The following CRACR2A variants were observed in gnomAD, a reference collection of about 807,000 sequenced individuals.
The protein encoded by CRACR2A is calcium release activated channel regulator 2A.
A neutral mutation model predicts 90.5 loss-of-function variants in CRACR2A; 79 were observed. The observed-to-expected ratio is 0.87, with a 90% CI of 0.73 to 1.05. CRACR2A has a LOEUF of 1.05. CRACR2A is among the 50% of genes least tolerant of loss of function. The pLI is 0.00. For missense variants in CRACR2A, 823 were observed against 897.2 expected (o/e 0.92, Z 1.06); for synonymous variants, 338 against 356.7 (o/e 0.95, Z 0.59).
intron 4 of CRACR2A, among the ~76,000 whole-genome samples, chr12:3,690,808 G>A (rs1181064601): frequency 6.6e-6 from 1 of 152,192 alleles, no homozygotes; most frequent in Non-Finnish European, 1.5e-5. Context: ...CTCTTTGAAG[G>A]TCTCTAAGAA....
At chr12:3,679,322 T>C (rs111591078) in intron 5 of CRACR2A, among the ~76,000 whole-genome samples, 11 of 152,360 alleles carry the variant, frequency 7.2e-5, no homozygotes, top group African/African-American at 2.6e-4. Context: ...AATCTGGGAA[T>C]GGCAGAATGT....
At chr12:3,640,734 G>T in intron 13 of CRACR2A, 2 of 1,305,206 alleles carry the variant, frequency 1.5e-6, no homozygotes, top group Non-Finnish European at 2.0e-6. Flanking sequence ...GGTCTCTCTG[G>T]GTCTGATACT....
intron 1 of CRACR2A, among the ~76,000 whole-genome samples, chr12:3,737,197 T>C (rs1014618322): frequency 3.9e-5 from 6 of 151,906 alleles, no homozygotes. Context: ...ACGGGGTGAA[T>C]AGGAGCAACC....
At chr12:3,675,188 C>T (rs2095253682) in intron 6 of CRACR2A, among the ~76,000 whole-genome samples, 1 of 152,082 alleles carries the variant, frequency 6.6e-6, no homozygotes, top group African/African-American at 2.4e-5. Context: ...ATTATCTGTG[C>T]TTGTATAACA....
intron 1 of CRACR2A, among the ~76,000 whole-genome samples, chr12:3,747,046 TA>T (rs1239426955): frequency 6.6e-6 from 1 of 152,246 alleles, no homozygotes; most frequent in Non-Finnish European, 1.5e-5. Context: ...GTTTAGAGGC[TA>T]ATCCCAAAGA....
At chr12:3,623,281 C>T (rs547955032) in intron 17 of CRACR2A, among the ~76,000 whole-genome samples, 1 of 152,288 alleles carries the variant, frequency 6.6e-6, no homozygotes, top group Non-Finnish European at 1.5e-5. Flanking sequence ...TTAATCTCCA[C>T]GTTTTTTTCC....
At chr12:3,630,122 A>T (rs1944353648) in intron 15 of CRACR2A, among the ~76,000 whole-genome samples, 1 of 152,072 alleles carries the variant, frequency 6.6e-6, no homozygotes. Context: ...AGTGAGATGG[A>T]GGTATGACGG....
At chr12:3,689,465 T>C (rs2137663658) in intron 4 of CRACR2A, among the ~76,000 whole-genome samples, 1 of 152,296 alleles carries the variant, frequency 6.6e-6, no homozygotes, top group East Asian at 1.9e-4. Flanking sequence ...TGGTTTTGCC[T>C]TTAGTTTTGT....
At chr12:3,725,078 G>A (rs766727) in intron 2 of CRACR2A, among the ~76,000 whole-genome samples, 18 of 152,114 alleles carry the variant, frequency 1.2e-4, no homozygotes, top group Admixed American at 1.3e-4. Context: ...TAGTGGTCCT[G>A]CCTCCCATTT....
chr12:3,619,348 C>T lies in CRACR2A; in HGVS notation c.1957G>A (p.Val653Ile), dbSNP rs573363304. The T allele has an allele frequency of 1.3e-6, 2 of 1,551,604 alleles. No homozygotes were observed. The highest frequency in any genetic ancestry group is 1.7e-6 in the Non-Finnish European group (2 of 1,147,006). Reference sequence around the variant, plus strand: ...TCAAGCTTATTACCCAGCAGAAGAACAGGCACCCGGTCTCCCACAGCTTCC... The same window carrying T: ...TCAAGCTTATTACCCAGCAGAAGAATAGGCACCCGGTCTCCCACAGCTTCC... ...VEEAVGDRVPVLLLGNKLDNE... is the reference protein window; with the variant it reads ...VEEAVGDRVPILLLGNKLDNE... Residue 653 changes from valine to isoleucine, a missense_variant, in exon 18 of 20, where the codon GTT (valine) becomes ATT (isoleucine). Coordinates refer to ENST00000440314, the MANE Select transcript of CRACR2A (RefSeq NM_001144958.2).
chr12:3,713,654 T>C (rs1946040772), intron 2 of CRACR2A, among the ~76,000 whole-genome samples: 1 of 152,134 alleles, frequency 6.6e-6, no homozygotes, highest in South Asian at 2.1e-4. Flanking sequence ...TCTCAGCAAG[T>C]GCTCTTGAAA....
Position 3,633,749 on chromosome 12 carries a change from C to G in CRACR2A, c.1603-13G>C. On this transcript the variant is annotated splice_polypyrimidine_tract_variant and intron_variant, in intron 14 of 19. Transcript: ENST00000440314. The surrounding 1 kb of genome is among the most constrained non-coding windows in gnomAD (Gnocchi z 4.5). The stretch of plus-strand genomic sequence containing the variant: ...GAGAGCTTTCCTCCTGTGGATGGCA[C>G]ACAATCTGACCAACTGCAGGGAATA... The G allele has an allele frequency of 6.4e-7, 1 of 1,551,570 alleles. No individual in the cohort carries two copies. Among genetic ancestry groups the G allele is most frequent in the Non-Finnish European group, 8.7e-7 (1 of 1,146,986 alleles).
chr12:3,651,211 G>A (rs1370612219), intron 10 of CRACR2A, among the ~76,000 whole-genome samples: 2 of 152,252 alleles, frequency 1.3e-5, no homozygotes, highest in African/African-American at 4.8e-5. Context: ...AGTGAAAAAT[G>A]CAATGCTAAT....
intron 1 of CRACR2A, among the ~76,000 whole-genome samples, chr12:3,733,509 G>C (rs139391588): frequency 6.6e-6 from 1 of 152,070 alleles, no homozygotes. Flanking sequence ...AGGGGTGCTC[G>C]GAGAAGTGTT....
intron 5 of CRACR2A, 50 bp from the exon 6 acceptor site, chr12:3,679,148 A>T: frequency 6.7e-7 from 1 of 1,499,212 alleles, no homozygotes; most frequent in South Asian, 1.4e-5. Context: ...CCCATCCAGG[A>T]AGAGCTCAGC....
chr12:3,657,617 G>A (rs1944939148), intron 8 of CRACR2A, among the ~76,000 whole-genome samples: 1 of 152,220 alleles, frequency 6.6e-6, no homozygotes, highest in Admixed American at 6.5e-5. Flanking sequence ...TTAACCACAT[G>A]AATGGCAGAG....
chr12:3,661,121 G>C (rs531174598), intron 7 of CRACR2A, among the ~76,000 whole-genome samples: 1 of 152,248 alleles, frequency 6.6e-6, no homozygotes, highest in Non-Finnish European at 1.5e-5. Context: ...GACCTTCTCT[G>C]CTGTCCAAGG....
intron 15 of CRACR2A, among the ~76,000 whole-genome samples, chr12:3,632,521 A>C (rs1390351603): frequency 3.3e-5 from 5 of 152,066 alleles, no homozygotes; most frequent in African/African-American, 9.7e-5. Context: ...GTCTGCACCA[A>C]CCTCTGCCCA....
At chr12:3,731,692 G>A (rs1345615257) in intron 2 of CRACR2A, 3 of 152,206 alleles carry the variant, frequency 2.0e-5, no homozygotes, top group Admixed American at 6.5e-5. Flanking sequence ...CTTTGGAAAC[G>A]GGGTTGCTGA....
Sources: gnomAD v4.1 joint callset for allele counts (sites outside exome capture counted in the v4.1 genomes callset) on GRCh38, gnomAD v4.1.1 for gene constraint, Gnocchi (gnomAD v3.1) non-coding constraint, MANE v1.5 for transcripts, NCBI Gene and HGNC (gene_info 2026-07-23, HGNC 2026-07-21) for gene names.